The following POLR3E variants were observed in gnomAD, a reference collection of about 807,000 sequenced individuals.
POLR3E encodes the protein RNA polymerase III subunit E, also known as DNA-directed RNA polymerase III subunit RPC5.
Under a neutral mutation model 96.6 loss-of-function variants are expected in POLR3E, and 41 were observed. The observed-to-expected ratio is 0.42, with a 90% CI of 0.33 to 0.55. The LOEUF is 0.55. Among genes scored for constraint, POLR3E ranks in the 20% least tolerant of loss-of-function variants. The pLI, the probability that POLR3E is intolerant of heterozygous loss-of-function variation, is 0.06. For missense variants in POLR3E, 849 were observed against 952.1 expected, an observed-to-expected ratio of 0.89 and a Z score of 1.43; for synonymous variants, 396 against 383.6, an observed-to-expected ratio of 1.03 and a Z score of -0.38.
In POLR3E at chr16:22,308,315, A is replaced by G. The variant is rs1006190698; in HGVS notation, c.165+90A>G. 3.0e-6 allele frequency: 3 copies of G among 1,008,050 alleles called. 1 individual carries two copies. In the South Asian group the frequency reaches 3.8e-5, roughly 13 times the overall value. The allele number at this position is 1,008,050 out of a possible 1,614,324, so 62.4% of individuals were successfully genotyped here. ...AGGCGAGAAGCTCAGAGAAGGAGTCATTGGAGAAGTAGGAGAACCAGCAAC... is the reference window on the plus strand; with the variant it reads ...AGGCGAGAAGCTCAGAGAAGGAGTCGTTGGAGAAGTAGGAGAACCAGCAAC... On this transcript the variant is annotated intron_variant, in intron 4 of 20. Coordinates refer to ENST00000299853, the MANE Select transcript of POLR3E (RefSeq NM_018119.4).
chr16:22,298,964 G>A (rs1231620986), intron 1 of POLR3E: 2 of 456,026 alleles, frequency 4.4e-6, no homozygotes, highest in East Asian at 6.9e-5. Flanking sequence ...TGAGGAAACT[G>A]AAGCACTGAG....
rs1189029157 is a variant in POLR3E, at chr16:22,333,816, T to A, written c.*116T>A. The A allele has an allele frequency of 8.1e-6, 6 of 740,422 alleles. No individual in the cohort carries two copies. The highest frequency in any genetic ancestry group is 1.5e-5 in the Non-Finnish European group (6 of 407,666). The allele number at this position is 740,422 out of a possible 1,614,324, so 45.9% of individuals were successfully genotyped here. ...AGAGCAAGAGGAACTGACCATCTCA[T>A]GACCTGTGGCATTGCACGGTGCAGT... On this transcript the variant is annotated 3_prime_UTR_variant, in exon 21 of 21. Transcript: ENST00000299853.
At position 22,317,145 on chromosome 16, in the gene POLR3E, G is replaced by A; in HGVS notation, c.804G>A (p.Leu268=). Residue 268 remains leucine, a synonymous_variant, in exon 12 of 21, where the codon CTG becomes CTA. Transcript: ENST00000299853. ...AGCCTGTGGCCCCCAGCAACGTCCT[G>A]TCGATGGCCCAGCTGCGCACGCTGC... ...KDKPVAPSNV[L]SMAQLRTLPL... The A allele has an allele frequency of 1.9e-6, 3 of 1,614,130 alleles. No individual in the cohort carries two copies. The highest frequency in any genetic ancestry group is 2.7e-5 in the African/African-American group (2 of 75,064).
At chr16:22,333,590 T>TAA in intron 20 of POLR3E, 54 bp from the exon 21 acceptor site, 1 of 1,176,370 alleles carries the variant, frequency 8.5e-7, no homozygotes, top group South Asian at 1.2e-5. Flanking sequence ...GGACAGAATG[T>TAA]AATTAGCTCC....
chr16:22,303,554 T>A (rs1330010549), intron 2 of POLR3E, among the ~76,000 whole-genome samples: 1 of 151,238 alleles, frequency 6.6e-6, no homozygotes, highest in Admixed American at 6.6e-5. Flanking sequence ...CAGGGCAGGG[T>A]CCCCTTCCCT....
At position 22,324,345 on chromosome 16, in the gene POLR3E, C is replaced by T; in HGVS notation, c.1069-9C>T. On this transcript the variant is annotated splice_polypyrimidine_tract_variant and intron_variant, in intron 14 of 20. Transcript: ENST00000299853. ...CCGCCCCTGGAATGTGCTGCTTCTT[C>T]TCCCTCAGATGTGGAAGTTCACGCA... 3 of 1,612,044 alleles carry T rather than the reference C, an allele frequency of 1.9e-6. No homozygotes were observed. The highest frequency in any genetic ancestry group is 2.5e-6 in the Non-Finnish European group (3 of 1,179,210).
rs950380224 is a variant in POLR3E at position 22,322,637 on chromosome 16, TAAG to T, written c.987-211_987-209del. Among the ~76,000 whole-genome samples, 1 of 151,894 alleles carries T rather than the reference TAAG, an allele frequency of 6.6e-6. No homozygotes were observed. Among genetic ancestry groups the T allele is most frequent in the African/African-American group, 2.4e-5 (1 of 41,350 alleles). On this transcript the variant is annotated intron_variant, in intron 13 of 20. Transcript: ENST00000299853. The surrounding 1 kb of genome is among the most constrained non-coding windows in gnomAD (Gnocchi z 5.2). ...GTGTGCATGGCGGGTTGAGGGGTAA[TAAG>T]AGGAAGAACTGGGGGGATGTGTGGG...
rs751557526 is a variant in POLR3E at position 22,324,591 on chromosome 16, G to A, written c.1217G>A (p.Gly406Glu). The change falls in exon 16 of 21, where the codon GGG becomes GAG. Residue 406 changes from glycine to glutamate, a missense_variant. Gly to Glu is a moderately conservative substitution (Grantham distance 98, BLOSUM62 -2). Coordinates refer to ENST00000299853, the MANE Select transcript of POLR3E (RefSeq NM_018119.4). ...TGGGAGTTCATTCTGCCTTATGATG[G>A]GGAGTTCATCAAGAAGCACCCGGAT... ...KGWEFILPYD[G>E]EFIKKHPDVV... 3.7e-6 allele frequency: 6 copies of A among 1,613,612 alleles called. No individual in the cohort carries two copies. The highest frequency in any genetic ancestry group is 5.1e-6 in the Non-Finnish European group (6 of 1,179,846).
Position 22,318,837 on chromosome 16 carries a change from C to G in POLR3E, c.877C>G (p.Pro293Ala). 1 of 1,613,228 alleles carries G rather than the reference C, an allele frequency of 6.2e-7. No individual in the cohort carries two copies. The highest frequency in any genetic ancestry group is 8.5e-7 in the Non-Finnish European group (1 of 1,179,392). Residue 293 changes from proline (P) to alanine (A), a missense_variant, in exon 13 of 21, where the codon CCT becomes GCT. Physicochemically the swap from Pro to Ala is conservative, Grantham distance 27 (BLOSUM62 -1). Coordinates refer to ENST00000299853, the MANE Select transcript of POLR3E (RefSeq NM_018119.4). The surrounding 1 kb of genome is among the most constrained non-coding windows in gnomAD (Gnocchi z 5.0). ...TGCGTCCTCCTCAGTGAAGGTCATG[C>G]CTTTTGCCAACTTGATGAGCCTCCT... is the stretch of plus-strand genomic sequence containing the variant. ...KILMKNVKVM[P>A]FANLMSLLGP... is the part of the protein sequence containing the mutation.
At position 22,307,723 on chromosome 16, in the gene POLR3E, G is replaced by A. The variant is rs140835474; in HGVS notation, c.88-425G>A. Among the ~76,000 whole-genome samples the A allele has an allele frequency of 1.4e-3, 213 of 152,286 alleles. 1 individual carries two copies. Among genetic ancestry groups the A allele is most frequent in the African/African-American group, 5.0e-3 (206 of 41,564 alleles). On this transcript the variant is annotated intron_variant, in intron 3 of 20. Transcript: ENST00000299853. ...GCCTCAGCAGTGAGCAGCACGTGCC[G>A]GTGTTGCTTTCACTCTTTGCTTCCT...
At chr16:22,298,586 C>T (rs867693508) in intron 1 of POLR3E, among the ~76,000 whole-genome samples, 11 of 152,208 alleles carry the variant, frequency 7.2e-5, no homozygotes, top group African/African-American at 1.4e-4. Flanking sequence ...GTTTTGTTCT[C>T]GGGTCCAAGC....
In POLR3E at chr16:22,316,640, C is replaced by T. The variant is rs1567319340; in HGVS notation, c.682C>T (p.Pro228Ser). Residue 228 changes from proline (P) to serine (S), a missense_variant, in exon 10 of 21, where the codon CCC becomes TCC. Transcript: ENST00000299853. ...GCATGAGCGTCAGTACCTGCTGTGC[C>T]CCGGCTCAAGCGGGGTGGAGAACAC... The part of the protein sequence containing the change: ...SEHERQYLLC[P>S]GSSGVENTEL... 1 of 1,613,976 alleles carries T rather than the reference C, an allele frequency of 6.2e-7. No individual in the cohort carries two copies. The highest frequency in any genetic ancestry group is 1.3e-5 in the African/African-American group (1 of 74,934).
In POLR3E at chr16:22,318,068, T is replaced by C. The variant is rs2048396387; in HGVS notation, c.866-758T>C. 6.6e-6 allele frequency among the ~76,000 whole-genome samples: 1 copy of C among 151,556 alleles called. No individual in the cohort carries two copies. Among genetic ancestry groups the C allele is most frequent in the Admixed American group, 6.6e-5 (1 of 15,218 alleles). The stretch of plus-strand genomic sequence containing the variant: ...GGGGAGCTCCATGATATGCTCGGGA[T>C]TTTAGGCTTCCTTCCTGCAGAGGAC... On this transcript the variant is annotated intron_variant, in intron 12 of 20. Transcript: ENST00000299853. This position sits in a 1 kb window ranked among gnomAD's most constrained non-coding sequence, Gnocchi z 5.0.
chr16:22,308,085 C>T, intron 3 of POLR3E, 63 bp from the exon 4 acceptor site: 1 of 1,281,988 alleles, frequency 7.8e-7, no homozygotes, highest in Non-Finnish European at 1.1e-6. Context: ...TGATTCTTGG[C>T]CAGGGCCCAG....
chr16:22,298,496 A>G (rs1470161064), intron 1 of POLR3E, among the ~76,000 whole-genome samples: 2 of 152,152 alleles, frequency 1.3e-5, no homozygotes, highest in Non-Finnish European at 2.9e-5. Flanking sequence ...TAGGGATGAA[A>G]ATAGGGAGGA....
rs552517189 is a variant in POLR3E at position 22,319,355 on chromosome 16, C to CT, written c.986+412dup. Among the ~76,000 whole-genome samples, 512 of 152,048 alleles carry CT rather than the reference C, an allele frequency of 3.4e-3. 4 individuals carry two copies. Among genetic ancestry groups the CT allele is most frequent in the African/African-American group, 0.012 (490 of 41,484 alleles). ...GTGCTTTGGGTTTAAATCTACAGTGCTTTCTATTTGTCCTGCCTACATTGC... is the reference window on the plus strand; with the variant it reads ...GTGCTTTGGGTTTAAATCTACAGTGCTTTTCTATTTGTCCTGCCTACATTGC... On this transcript the variant is annotated intron_variant, in intron 13 of 20. Coordinates refer to ENST00000299853, the MANE Select transcript of POLR3E (RefSeq NM_018119.4).
chr16:22,313,985 G>T lies in POLR3E; in HGVS notation c.473-94G>T, dbSNP rs540851035. 1.3e-4 allele frequency: 145 copies of T among 1,129,438 alleles called. 2 individuals carry two copies. In the African/African-American group the frequency reaches 1.8e-3, roughly 14 times the overall value. The allele number at this position is 1,129,438 out of a possible 1,614,324, so 70.0% of individuals were successfully genotyped here. The stretch of plus-strand genomic sequence containing the variant: ...GCTCCCTCTGCGAGGAGAACTCCCA[G>T]CACCCCGGCCTGAGGCTTCCCTGGC... On this transcript the variant is annotated intron_variant, in intron 7 of 20. Coordinates refer to ENST00000299853, the MANE Select transcript of POLR3E (RefSeq NM_018119.4). The surrounding 1 kb of genome is among the most constrained non-coding windows in gnomAD (Gnocchi z 4.1).
chr16:22,310,879 G>A (rs1009854357), intron 6 of POLR3E, among the ~76,000 whole-genome samples: 3 of 152,024 alleles, frequency 2.0e-5, no homozygotes, highest in Non-Finnish European at 2.9e-5. Context: ...CTGAGATTCC[G>A]CCATTGCACT....
chr16:22,304,787 G>A (rs2048100436), intron 2 of POLR3E, among the ~76,000 whole-genome samples: 1 of 152,194 alleles, frequency 6.6e-6, no homozygotes, highest in African/African-American at 2.4e-5. Context: ...GCCCAGCCAG[G>A]AGGCACAGGC....
Sources: gnomAD v4.1 joint callset for allele counts (sites outside exome capture counted in the v4.1 genomes callset) on GRCh38, gnomAD v4.1.1 for gene constraint, Gnocchi (gnomAD v3.1) non-coding constraint, MANE v1.5 for transcripts, NCBI Gene and HGNC (gene_info 2026-07-23, HGNC 2026-07-21) for gene names.